The following MEGF11 variants were observed in gnomAD, a reference collection of about 807,000 sequenced individuals.
MEGF11 encodes multiple epidermal growth factor-like domains protein 11.
Under a neutral mutation model 146.6 loss-of-function variants are expected in MEGF11, and 126 were observed. The ratio of observed to expected loss-of-function variants is 0.86; its 90% CI spans 0.74 to 1.00. The LOEUF is 1.00. Among genes scored for constraint, MEGF11 ranks in the 50% least tolerant of loss-of-function variants. The pLI is 0.00. For missense variants in MEGF11, 1,509 were observed against 1,521.2 expected (o/e 0.99, Z 0.13); for synonymous variants, 532 against 583.4 (o/e 0.91, Z 1.27).
intron 5 of MEGF11, among the ~76,000 whole-genome samples, chr15:66,006,928 A>T (rs1436974545): frequency 6.6e-6 from 1 of 152,198 alleles, no homozygotes; most frequent in Non-Finnish European, 1.5e-5. Context: ...CTGATCCAAT[A>T]TTGCAAACAA....
chr15:66,025,428 A>G (rs1002263711), intron 5 of MEGF11, among the ~76,000 whole-genome samples: 1 of 152,090 alleles, frequency 6.6e-6, no homozygotes, highest in Non-Finnish European at 1.5e-5. Context: ...GGCTGGAGAA[A>G]GCTCCAAAGG....
At chr15:66,079,342 C>T (rs1384293069) in intron 5 of MEGF11, among the ~76,000 whole-genome samples, 1 of 152,022 alleles carries the variant, frequency 6.6e-6, no homozygotes, top group Non-Finnish European at 1.5e-5. Context: ...GGGATGGCAC[C>T]AGGTTCAAGA....
chr15:65,913,917 C>T lies in MEGF11; in HGVS notation c.2530G>A (p.Ala844Thr). 1.2e-6 allele frequency: 2 copies of T among 1,614,042 alleles called. No homozygotes were observed. The highest frequency in any genetic ancestry group is 1.7e-6 in the Non-Finnish European group (2 of 1,179,902). Residue 844 changes from alanine to threonine, a missense_variant, in exon 20 of 26, where the codon GCA becomes ACA. Coordinates refer to ENST00000395614, the MANE Select transcript of MEGF11 (RefSeq NM_001385028.1). ...ACAGCACCCACCGAGTGCCGCTCTG[C>T]ACCCAGTGCTGGGCTGATCTTGGTG... is the stretch of plus-strand genomic sequence containing the variant. Reference protein sequence around the residue: ...PYTKISPALGAERHSVGAVTG... With the variant: ...PYTKISPALGTERHSVGAVTG...
At chr15:66,141,401 A>G (rs34166087) in intron 1 of MEGF11, among the ~76,000 whole-genome samples, 42,769 of 151,504 alleles carry the variant, frequency 0.28, 6,326 homozygotes, top group East Asian at 0.38. Flanking sequence ...ATTGTGAGAA[A>G]AGAGAAGACG....
chr15:66,165,252 C>T (rs1393191076), intron 1 of MEGF11, among the ~76,000 whole-genome samples: 3 of 152,146 alleles, frequency 2.0e-5, no homozygotes, highest in Non-Finnish European at 4.4e-5. Context: ...AATCCCATGA[C>T]CCTGGGCAAA....
chr15:66,002,989 CTTTT>C (rs144418381), intron 5 of MEGF11, among the ~76,000 whole-genome samples: 1 of 109,446 alleles, frequency 9.1e-6, no homozygotes, highest in African/African-American at 3.2e-5. Context: ...TCTTTTCTTT[CTTTT>C]TTCTTTTTTT....
chr15:65,996,070 GAC>G (rs1376679466), intron 5 of MEGF11, among the ~76,000 whole-genome samples: 1 of 152,174 alleles, frequency 6.6e-6, no homozygotes, highest in African/African-American at 2.4e-5. Context: ...GGGAGCTGTG[GAC>G]ACTGGGGTCC....
At chr15:66,111,715 G>A (rs1280999748) in intron 4 of MEGF11, among the ~76,000 whole-genome samples, 2 of 152,158 alleles carry the variant, frequency 1.3e-5, no homozygotes, top group African/African-American at 2.4e-5. Context: ...GAGAAAAAAA[G>A]TCTCCCACAA....
At chr15:66,242,601 C>A (rs1200304451) in intron 1 of MEGF11, among the ~76,000 whole-genome samples, 1 of 152,038 alleles carries the variant, frequency 6.6e-6, no homozygotes, top group Non-Finnish European at 1.5e-5. Flanking sequence ...AGCTGATATG[C>A]TCATGCCTAT....
chr15:65,941,380 G>A (rs553870883), intron 10 of MEGF11, among the ~76,000 whole-genome samples: 9 of 152,172 alleles, frequency 5.9e-5, no homozygotes, highest in African/African-American at 2.2e-4. Flanking sequence ...CCCGGGAGGC[G>A]GAGATTGCAG....
intron 5 of MEGF11, among the ~76,000 whole-genome samples, chr15:66,019,336 A>G (rs1249883943): frequency 6.6e-6 from 1 of 152,238 alleles, no homozygotes; most frequent in African/African-American, 2.4e-5. Flanking sequence ...TGTGGCCCCC[A>G]AATCAAATCA....
intron 1 of MEGF11, among the ~76,000 whole-genome samples, chr15:66,200,418 C>T (rs2091124941): frequency 6.6e-6 from 1 of 152,212 alleles, no homozygotes; most frequent in African/African-American, 2.4e-5. Context: ...TGCTTGCTTA[C>T]ATTTTTTCAC....
chr15:66,053,248 C>T (rs1411610879), intron 5 of MEGF11, among the ~76,000 whole-genome samples: 2 of 152,154 alleles, frequency 1.3e-5, no homozygotes, highest in Non-Finnish European at 2.9e-5. Flanking sequence ...TTGTGTTTTC[C>T]ACAATGCTTA....
chr15:66,091,849 C>T (rs546127729), intron 5 of MEGF11, among the ~76,000 whole-genome samples: 56 of 152,260 alleles, frequency 3.7e-4, no homozygotes, highest in African/African-American at 1.2e-3. Context: ...AAGGTAGTCC[C>T]GATGACATCA....
intron 1 of MEGF11, among the ~76,000 whole-genome samples, chr15:66,236,116 A>G (rs1244970626): frequency 6.6e-6 from 1 of 152,180 alleles, no homozygotes; most frequent in East Asian, 1.9e-4. Context: ...AGTAAGAGTC[A>G]GCCACATAAG....
chr15:66,090,032 G>A (rs2086258523), intron 5 of MEGF11, among the ~76,000 whole-genome samples: 1 of 152,182 alleles, frequency 6.6e-6, no homozygotes, highest in Non-Finnish European at 1.5e-5. Flanking sequence ...TAGTTGGTGT[G>A]TCAGCCCACC....
At chr15:65,927,314 C>T (rs1044051647) in intron 13 of MEGF11, among the ~76,000 whole-genome samples, 1 of 152,148 alleles carries the variant, frequency 6.6e-6, no homozygotes, top group South Asian at 2.1e-4. Context: ...AAATGACTTG[C>T]CCAAGGTCAT....
At chr15:66,016,863 A>G (rs1326459508) in intron 5 of MEGF11, among the ~76,000 whole-genome samples, 1 of 152,186 alleles carries the variant, frequency 6.6e-6, no homozygotes, top group Non-Finnish European at 1.5e-5. Context: ...AGGGATGCCT[A>G]TAGAGACAGG....
intron 1 of MEGF11, among the ~76,000 whole-genome samples, chr15:66,210,996 AG>A (rs1423323682): frequency 7.2e-5 from 11 of 152,098 alleles, no homozygotes; most frequent in African/African-American, 2.7e-4. Flanking sequence ...TCCTACTTCT[AG>A]CCTGCTCTGG....
Sources: allele counts gnomAD v4.1 joint callset (sites outside exome capture counted in the v4.1 genomes callset), GRCh38; gene constraint gnomAD v4.1.1; transcripts MANE v1.5; gene names NCBI Gene and HGNC (gene_info 2026-07-23, HGNC 2026-07-21).